MCU: variants seen among roughly 807,000 people sequenced by gnomAD.
The protein encoded by MCU is mitochondrial calcium uniporter.
In MCU, 12 loss-of-function variants were observed where a neutral mutation model predicts 45.2. That is an observed-to-expected ratio of 0.27 (90% confidence interval 0.17 to 0.43). The LOEUF (loss-of-function observed/expected upper bound fraction) is 0.43, where lower values mean the gene tolerates loss of function less well. MCU is among the 20% of genes least tolerant of loss of function. MCU has a pLI of 1.00. For synonymous variants in MCU, 160 were observed against 165.1 expected, an observed-to-expected ratio of 0.97 and a Z score of 0.24; for missense variants, 324 against 436.7, an observed-to-expected ratio of 0.74 and a Z score of 2.30.
At chr10:72,867,758 G>T (rs1845479483) in intron 4 of MCU, among the ~76,000 whole-genome samples, 1 of 151,726 alleles carries the variant, frequency 6.6e-6, no homozygotes, top group Non-Finnish European at 1.5e-5. Flanking sequence ...GGGAGGCTGA[G>T]GCAGGAAAAT....
intron 6 of MCU, among the ~76,000 whole-genome samples, chr10:72,882,496 G>T (rs1369538757): frequency 1.3e-5 from 2 of 152,092 alleles, no homozygotes; most frequent in Non-Finnish European, 2.9e-5. Context: ...CTCTAAAATG[G>T]CCCCCTTGGG....
chr10:72,772,864 C>T (rs1004126765), intron 1 of MCU, among the ~76,000 whole-genome samples: 2 of 151,918 alleles, frequency 1.3e-5, no homozygotes, highest in East Asian at 3.9e-4. Context: ...AGTTTGTGAG[C>T]TTTCTGATTA....
chr10:72,775,549 G>A (rs1843878489), intron 1 of MCU, among the ~76,000 whole-genome samples: 1 of 152,006 alleles, frequency 6.6e-6, no homozygotes, highest in South Asian at 2.1e-4. Flanking sequence ...AGAAATAAAT[G>A]AAATCGAAAC....
chr10:72,747,024 A>G (rs2132704467), intron 1 of MCU, among the ~76,000 whole-genome samples: 1 of 152,376 alleles, frequency 6.6e-6, no homozygotes, highest in African/African-American at 2.4e-5. Context: ...AGCTAAAAAT[A>G]TAAACTAAAA....
At chr10:72,788,436 G>A (rs1018797186) in intron 1 of MCU, among the ~76,000 whole-genome samples, 4 of 152,184 alleles carry the variant, frequency 2.6e-5, no homozygotes, top group African/African-American at 9.6e-5. Flanking sequence ...GCCAACCTGG[G>A]CTATATAATG....
intron 2 of MCU, among the ~76,000 whole-genome samples, chr10:72,844,599 G>T (rs1452247947): frequency 1.3e-5 from 2 of 151,942 alleles, no homozygotes; most frequent in Non-Finnish European, 2.9e-5. Flanking sequence ...ATATTCTGAG[G>T]ATATTTTTGC....
At chr10:72,742,243 A>G (rs1589440261) in intron 1 of MCU, among the ~76,000 whole-genome samples, 1 of 152,230 alleles carries the variant, frequency 6.6e-6, no homozygotes, top group Middle Eastern at 3.4e-3. Flanking sequence ...TATGTCCTAG[A>G]TATGTAGTAG....
chr10:72,756,365 T>C (rs772577803), intron 1 of MCU: 1 of 152,234 alleles, frequency 6.6e-6, no homozygotes, highest in South Asian at 2.1e-4. Context: ...TGTTGTGTTA[T>C]CAATCTATGT....
At chr10:72,834,191 G>C (rs1255862016) in intron 1 of MCU, among the ~76,000 whole-genome samples, 168 bp from the exon 2 acceptor site, 1 of 152,158 alleles carries the variant, frequency 6.6e-6, no homozygotes, top group African/African-American at 2.4e-5. Context: ...ATTTCAGGAT[G>C]ATAGGAGTTT....
intron 1 of MCU, among the ~76,000 whole-genome samples, chr10:72,775,581 C>T (rs905138693): frequency 6.6e-6 from 1 of 151,926 alleles, no homozygotes; most frequent in African/African-American, 2.4e-5. Flanking sequence ...CACAGAAGAA[C>T]AATGAAACAA....
Position 72,715,405 on chromosome 10 carries a change from T to G in MCU, c.150+23104T>G, listed in dbSNP as rs1842944775. On this transcript the variant is annotated intron_variant, in intron 1 of 7. Coordinates refer to ENST00000373053, the MANE Select transcript of MCU (RefSeq NM_138357.3). ...ATGGGGCTGAGTTTAGTGAGGTGAC[T>G]GTTGCACAATAGAATATTTTTACTA... 2.0e-5 allele frequency among the ~76,000 whole-genome samples: 3 copies of G among 152,344 alleles called. No individual in the cohort carries two copies. In the South Asian group the frequency reaches 6.2e-4, roughly 32 times the overall value.
intron 6 of MCU, among the ~76,000 whole-genome samples, chr10:72,879,286 A>G (rs1056379171): frequency 3.9e-5 from 6 of 152,110 alleles, no homozygotes; most frequent in African/African-American, 1.4e-4. Flanking sequence ...AAAAAAGGAA[A>G]TTTCCATTGA....
intron 5 of MCU, among the ~76,000 whole-genome samples, chr10:72,869,365 A>G (rs986997555): frequency 3.9e-5 from 6 of 152,368 alleles, no homozygotes; most frequent in African/African-American, 9.6e-5. Context: ...CAGGCAGATC[A>G]CCTGAGGTCA....
At chr10:72,744,649 A>T (rs528559878) in intron 1 of MCU, among the ~76,000 whole-genome samples, 41 of 152,164 alleles carry the variant, frequency 2.7e-4, no homozygotes, top group Admixed American at 7.9e-4. Context: ...GAGTTTAGGG[A>T]GGAGAAAATG....
chr10:72,863,980 A>G (rs967279350), intron 4 of MCU, among the ~76,000 whole-genome samples: 1 of 152,220 alleles, frequency 6.6e-6, no homozygotes, highest in African/African-American at 2.4e-5. Context: ...AAAATTATCA[A>G]AACTTATGCA....
At chr10:72,739,851 A>T (rs1037393450) in intron 1 of MCU, among the ~76,000 whole-genome samples, 18 of 151,490 alleles carry the variant, frequency 1.2e-4, no homozygotes, top group Non-Finnish European at 2.7e-4. Flanking sequence ...TAATTTTTGT[A>T]TTTTTGGTAG....
At chr10:72,854,794 T>C (rs754867584) in intron 2 of MCU, among the ~76,000 whole-genome samples, 1 of 152,220 alleles carries the variant, frequency 6.6e-6, no homozygotes, top group Non-Finnish European at 1.5e-5. Flanking sequence ...CCATGCCTAT[T>C]TGTTTACATA....
intron 1 of MCU, among the ~76,000 whole-genome samples, chr10:72,813,207 A>G (rs1297206641): frequency 6.6e-6 from 1 of 152,176 alleles, no homozygotes; most frequent in African/African-American, 2.4e-5. Context: ...TTCAAATGAT[A>G]TATAGCTAGC....
intron 6 of MCU, among the ~76,000 whole-genome samples, chr10:72,873,049 C>T (rs1233584775): frequency 5.4e-5 from 6 of 110,962 alleles, no homozygotes; most frequent in African/African-American, 2.1e-4. Context: ...GATGGAGTCT[C>T]GCTCTATTGC....
Sources: gnomAD v4.1 joint callset for allele counts (sites outside exome capture counted in the v4.1 genomes callset) on GRCh38, gnomAD v4.1.1 for gene constraint, MANE v1.5 for transcripts, NCBI Gene and HGNC (gene_info 2026-07-23, HGNC 2026-07-21) for gene names.